HNRNPU: variants seen among roughly 807,000 people sequenced by gnomAD.
The protein encoded by HNRNPU is HNRNPU antisense RNA 1.
A neutral mutation model predicts 94.7 loss-of-function variants in HNRNPU; 5 were observed. The observed-to-expected ratio is 0.05, with a 90% CI of 0.03 to 0.11. The LOEUF is 0.11. Among genes scored for constraint, HNRNPU ranks in the 10% least tolerant of loss-of-function variants. The pLI is 1.00. For missense variants in HNRNPU, 710 were observed against 1,049.2 expected (o/e 0.68, Z 4.47); for synonymous variants, 434 against 381.6 (o/e 1.14, Z -1.60).
intron 1 of HNRNPU, 140 bp from the exon 2 acceptor site, chr1:244,862,870 G>C (rs910373174): frequency 2.9e-6 from 2 of 693,526 alleles, no homozygotes; most frequent in South Asian, 1.7e-5. Flanking sequence ...TGAATTCAAA[G>C]AACAATCAAC....
chr1:244,859,401 A>C (rs750070024), intron 4 of HNRNPU, 27 bp from the exon 5 acceptor site: 1 of 1,103,798 alleles, frequency 9.1e-7, no homozygotes, highest in South Asian at 1.2e-5. Flanking sequence ...TAAATAATTA[A>C]AATAATACAC....
At chr1:244,863,253 GCACC>G (rs1680895368) in intron 1 of HNRNPU, 1 of 178,872 alleles carries the variant, frequency 5.6e-6, no homozygotes, top group Admixed American at 6.4e-5. Context: ...ACATGTGCCC[GCACC>G]GCGCGCACGC....
intron 1 of HNRNPU, 93 bp downstream of exon 1, chr1:244,863,524 C>T: frequency 7.2e-6 from 9 of 1,250,226 alleles, no homozygotes; most frequent in Non-Finnish European, 9.0e-6. Flanking sequence ...CCGCCCGGGG[C>T]TCCCTCCCCC....
intron 7 of HNRNPU, 25 bp from the exon 8 acceptor site, chr1:244,857,742 T>C (rs915984217): frequency 6.2e-7 from 1 of 1,608,820 alleles, no homozygotes. Flanking sequence ...AGAAATGTCA[T>C]TTCACTGTCA....
chr1:244,860,009 GAA>G, intron 4 of HNRNPU: 1 of 216,482 alleles, frequency 4.6e-6, no homozygotes, highest in Non-Finnish European at 9.0e-6. Flanking sequence ...TTTTAAAAAG[GAA>G]AAAAAAAGGC....
intron 3 of HNRNPU, chr1:244,862,195 T>C (rs1680849449): frequency 2.8e-6 from 1 of 362,960 alleles, no homozygotes; most frequent in Non-Finnish European, 5.0e-6. Flanking sequence ...AGTCAAAAAC[T>C]GGCATTAATT....
chr1:244,857,868 A>AT, intron 7 of HNRNPU, 143 bp downstream of exon 7: 3 of 1,301,626 alleles, frequency 2.3e-6, no homozygotes, highest in Non-Finnish European at 3.2e-6. Context: ...AACAGTCAAC[A>AT]TAAGGGGGAA....
Position 244,851,585 on chromosome 1 carries a change from CTTG to C in HNRNPU, c.*2862_*2864del, listed in dbSNP as rs1680550140. On this transcript the variant is annotated 3_prime_UTR_variant, in exon 14 of 14. Coordinates refer to ENST00000640218, the MANE Select transcript of HNRNPU (RefSeq NM_031844.3). ...AATTCCTTTAAACTTGTTAAAATAC[CTTG>C]TTGCTAGTGCTCAGAACATCTAGGT... The C allele has an allele frequency of 6.6e-6, 1 of 152,032 alleles. No individual in the cohort carries two copies. The highest frequency in any genetic ancestry group is 2.1e-4 in the South Asian group (1 of 4,832). The allele number at this position is 152,032 out of a possible 1,614,324, so 9.4% of individuals were successfully genotyped here.
intron 1 of HNRNPU, chr1:244,863,056 T>C: frequency 6.8e-6 from 2 of 294,034 alleles, no homozygotes; most frequent in South Asian, 4.5e-5. Flanking sequence ...GGCGCTCCCC[T>C]CCCCCGCGGG....
chr1:244,864,396 G>C lies in HNRNPU; in HGVS notation c.-89C>G. On this transcript the variant is annotated 5_prime_UTR_variant, in exon 1 of 14. Coordinates refer to ENST00000640218, the MANE Select transcript of HNRNPU (RefSeq NM_031844.3). Reference sequence around the variant, plus strand: ...GTGGCGGCTGCTGCGGCTGCTCCTCGGCCCGGGCGGCGGCTGCGGCTGCGG... The same window carrying C: ...GTGGCGGCTGCTGCGGCTGCTCCTCCGCCCGGGCGGCGGCTGCGGCTGCGG... The C allele has an allele frequency of 1.9e-6, 3 of 1,576,012 alleles. No homozygotes were observed. Among genetic ancestry groups the C allele is most frequent in the South Asian group, 2.3e-5 (2 of 87,100 alleles).
In HNRNPU at chr1:244,855,874, C is replaced by T. The variant is rs1291336000; in HGVS notation, c.2167+30G>A. Reference sequence around the variant, plus strand: ...AATTATCACTTGTTTCGATCCTGAACTAAATACAGAACACTCAAAATTAAC... The same window carrying T: ...AATTATCACTTGTTTCGATCCTGAATTAAATACAGAACACTCAAAATTAAC... On this transcript the variant is annotated intron_variant, in intron 11 of 13. Transcript: ENST00000640218. 4.4e-6 allele frequency: 7 copies of T among 1,608,648 alleles called. No homozygotes were observed. In the South Asian group the frequency reaches 5.5e-5, roughly 13 times the overall value.
intron 1 of HNRNPU, among the ~76,000 whole-genome samples, 190 bp downstream of exon 1, chr1:244,863,427 C>G (rs1338177697): frequency 1.3e-5 from 2 of 150,764 alleles, no homozygotes; most frequent in African/African-American, 4.9e-5. Flanking sequence ...CACACGCGCG[C>G]GCGCACACAC....
Position 244,864,096 on chromosome 1 carries a change from C to T in HNRNPU, c.212G>A (p.Gly71Glu). ...CGCGGCCTCCTGCTCGAGGCCTGCT[C>T]CCGAGCGCCCAGCGGAATCCCCGCC... ...DLGGDSAGRS[G>E]AGLEQEAAAG... is the part of the protein sequence containing the mutation. The change falls in exon 1 of 14, where the codon GGA becomes GAA. Residue 71 changes from glycine to glutamate, a missense_variant. This residue lies in a region of HNRNPU where 292 missense variants were observed against 293.4 expected (regional missense o/e 1.00). Transcript: ENST00000640218. 3 of 1,596,522 alleles carry T rather than the reference C, an allele frequency of 1.9e-6. No homozygotes were observed. Among genetic ancestry groups the T allele is most frequent in the Non-Finnish European group, 2.6e-6 (3 of 1,171,828 alleles).
At chr1:244,858,537 T>C (rs1680741507) in intron 6 of HNRNPU, 192 bp downstream of exon 6, 2 of 607,452 alleles carry the variant, frequency 3.3e-6, no homozygotes, top group Admixed American at 6.4e-5. Context: ...TCAGTCAAAA[T>C]GAATTAGTGA....
intron 4 of HNRNPU, chr1:244,860,055 CT>C (rs1198683905): frequency 3.1e-6 from 1 of 322,266 alleles, no homozygotes. Context: ...AATCCCAGCA[CT>C]TTGGGACGCC....
At chr1:244,857,754 T>C (rs201250163) in intron 7 of HNRNPU, 37 bp from the exon 8 acceptor site, 15 of 1,601,894 alleles carry the variant, frequency 9.4e-6, no homozygotes, top group Non-Finnish European at 1.2e-5. Context: ...TCACTGTCAG[T>C]AGACACCACC....
intron 3 of HNRNPU, chr1:244,862,165 G>A (rs575335330): frequency 6.3e-6 from 2 of 316,356 alleles, no homozygotes; most frequent in Non-Finnish European, 1.2e-5. Context: ...TATAGGTAGT[G>A]TTACAAGTTT....
In HNRNPU at chr1:244,851,170, T is replaced by C. The variant is rs971638027; in HGVS notation, c.*3280A>G. The C allele has an allele frequency of 1.3e-5, 2 of 152,226 alleles. No individual in the cohort carries two copies. The highest frequency in any genetic ancestry group is 2.4e-5 in the African/African-American group (1 of 41,460). The allele number at this position is 152,226 out of a possible 1,614,324, so 9.4% of individuals were successfully genotyped here. On this transcript the variant is annotated 3_prime_UTR_variant, in exon 14 of 14. Transcript: ENST00000640218. ...ATAGGAAGAGAATTATGGAAACACT[T>C]TGTAAAACATCCATTTATTATATCC...
chr1:244,860,009 GA>G (rs1491126114), intron 4 of HNRNPU: 53 of 216,298 alleles, frequency 2.5e-4, no homozygotes, highest in Non-Finnish European at 3.3e-4. Flanking sequence ...TTTTAAAAAG[GA>G]AAAAAAAAGG....
Sources: allele counts gnomAD v4.1 joint callset (sites outside exome capture counted in the v4.1 genomes callset), GRCh38; gene constraint gnomAD v4.1.1; regional missense constraint gnomAD v4.1.1; transcripts MANE v1.5; gene names NCBI Gene and HGNC (gene_info 2026-07-23, HGNC 2026-07-21).